DDX10: variants seen among roughly 807,000 people sequenced by gnomAD.
DDX10 encodes probable ATP-dependent RNA helicase DDX10.
Under a neutral mutation model 104.3 loss-of-function variants are expected in DDX10, and 74 were observed. The ratio of observed to expected loss-of-function variants is 0.71; its 90% CI spans 0.59 to 0.86. The LOEUF (loss-of-function observed/expected upper bound fraction) is 0.86, where lower values mean the gene tolerates loss of function less well. Ranked by LOEUF, DDX10 falls within the 40% of genes least tolerant of loss-of-function variation. The probability of loss-of-function intolerance (pLI) is 0.00; values close to 1 mark genes in which losing one functional copy is unlikely to be tolerated. For missense variants in DDX10, 952 were observed against 1,040.0 expected, an observed-to-expected ratio of 0.92 and a Z score of 1.16; for synonymous variants, 351 against 353.4, an observed-to-expected ratio of 0.99 and a Z score of 0.08.
intron 13 of DDX10, among the ~76,000 whole-genome samples, chr11:108,734,179 G>A (rs114975963): frequency 0.016 from 2,361 of 152,102 alleles, 58 homozygotes; most frequent in African/African-American, 0.054. Context: ...GGTGATTTGT[G>A]TTCAGGGGCC....
chr11:108,771,233 C>T (rs555046991), intron 13 of DDX10, among the ~76,000 whole-genome samples: 5 of 151,972 alleles, frequency 3.3e-5, no homozygotes, highest in Non-Finnish European at 7.4e-5. Flanking sequence ...CTTTCAGCTC[C>T]GTCTATATTC....
At chr11:108,822,999 G>A (rs1862347125) in intron 13 of DDX10, among the ~76,000 whole-genome samples, 1 of 152,190 alleles carries the variant, frequency 6.6e-6, no homozygotes. Flanking sequence ...CCCTGACTTT[G>A]CTGATACTGT....
chr11:108,907,042 G>A (rs1220533107), intron 16 of DDX10, among the ~76,000 whole-genome samples: 5 of 152,116 alleles, frequency 3.3e-5, no homozygotes, highest in Admixed American at 6.5e-5. Flanking sequence ...AGATCCTTCC[G>A]GTTTTGGAAT....
intron 13 of DDX10, among the ~76,000 whole-genome samples, chr11:108,777,565 C>T (rs150151446): frequency 0.02 from 3,035 of 152,208 alleles, 112 homozygotes; most frequent in African/African-American, 0.069. Context: ...TCAGGTGATC[C>T]ACCCACTTCA....
chr11:108,872,894 C>A (rs184321384), intron 16 of DDX10, among the ~76,000 whole-genome samples: 89 of 150,770 alleles, frequency 5.9e-4, no homozygotes, highest in African/African-American at 2.1e-3. Flanking sequence ...CCCACTCCTC[C>A]CACCTCTTCT....
At chr11:108,805,962 T>C (rs1300097478) in intron 13 of DDX10, among the ~76,000 whole-genome samples, 2 of 152,052 alleles carry the variant, frequency 1.3e-5, no homozygotes, top group East Asian at 3.9e-4. Flanking sequence ...TAAAATTTAT[T>C]TTATTTTATT....
chr11:108,704,658 A>G lies in DDX10; in HGVS notation c.1224-2081A>G, dbSNP rs536043495. ...CATACTGCTTAGGGGTCTGCTTTAA[A>G]TTCATAATTTTGTTAGTGAACGAAG... On this transcript the variant is annotated intron_variant, in intron 9 of 17. Transcript: ENST00000322536. Among the ~76,000 whole-genome samples, 5 of 152,322 alleles carry G rather than the reference A, an allele frequency of 3.3e-5. No individual in the cohort carries two copies. In the South Asian group the frequency reaches 1.0e-3, roughly 32 times the overall value.
intron 16 of DDX10, among the ~76,000 whole-genome samples, chr11:108,894,673 C>T (rs114050879): frequency 0.01 from 1,558 of 151,962 alleles, 23 homozygotes; most frequent in African/African-American, 0.035. Flanking sequence ...AAATGCAAAA[C>T]GTTAAAAATG....
At chr11:108,707,161 G>T (rs2094277289) in intron 10 of DDX10, among the ~76,000 whole-genome samples, 1 of 152,056 alleles carries the variant, frequency 6.6e-6, no homozygotes, top group Non-Finnish European at 1.5e-5. Flanking sequence ...ATTCTTGGTG[G>T]TGTCCATTCT....
intron 16 of DDX10, among the ~76,000 whole-genome samples, chr11:108,917,050 A>G (rs1036285533): frequency 2.6e-5 from 4 of 151,718 alleles, no homozygotes; most frequent in Non-Finnish European, 5.9e-5. Context: ...ATAAGCTTGT[A>G]CAGATCTGAT....
chr11:108,685,613 A>G (rs2094242822), intron 6 of DDX10, among the ~76,000 whole-genome samples: 1 of 152,100 alleles, frequency 6.6e-6, no homozygotes, highest in Non-Finnish European at 1.5e-5. Context: ...TATAAAGACC[A>G]TAGTCTAAGT....
chr11:108,726,773 A>G (rs1192376082), intron 13 of DDX10, among the ~76,000 whole-genome samples: 2 of 152,056 alleles, frequency 1.3e-5, no homozygotes, highest in South Asian at 2.1e-4. Flanking sequence ...GATCTTACTG[A>G]GGGGGAAGCA....
chr11:108,818,304 T>C (rs1862282160), intron 13 of DDX10, among the ~76,000 whole-genome samples: 1 of 152,218 alleles, frequency 6.6e-6, no homozygotes, highest in African/African-American at 2.4e-5. Flanking sequence ...AACTGTATAG[T>C]GTGCTTTTGT....
At chr11:108,691,756 T>A in intron 7 of DDX10, 120 bp from the exon 8 acceptor site, 3 of 695,292 alleles carry the variant, frequency 4.3e-6, no homozygotes, top group Non-Finnish European at 6.6e-6. Flanking sequence ...TTTTTTTACT[T>A]GGTTGGAATT....
chr11:108,904,142 T>C (rs1270413815), intron 16 of DDX10, among the ~76,000 whole-genome samples: 1 of 152,186 alleles, frequency 6.6e-6, no homozygotes, highest in Non-Finnish European at 1.5e-5. Context: ...ATGGACATTT[T>C]ATTTAAAACC....
intron 13 of DDX10, among the ~76,000 whole-genome samples, chr11:108,762,871 G>T (rs1278428471): frequency 3.3e-5 from 5 of 152,102 alleles, no homozygotes; most frequent in African/African-American, 7.2e-5. Flanking sequence ...CAATAATATT[G>T]TTTTAAGCAT....
intron 13 of DDX10, among the ~76,000 whole-genome samples, chr11:108,725,272 CAT>C (rs1298780538): frequency 3.9e-5 from 6 of 152,164 alleles, no homozygotes; most frequent in African/African-American, 1.2e-4. Flanking sequence ...TCATTATAAA[CAT>C]ATACATTTTT....
intron 6 of DDX10, among the ~76,000 whole-genome samples, chr11:108,688,083 G>A (rs2094247183): frequency 2.6e-5 from 4 of 152,110 alleles, no homozygotes; most frequent in Non-Finnish European, 5.9e-5. Context: ...AATAATTAAT[G>A]TATGTGGCTG....
At chr11:108,803,305 T>A (rs2134560157) in intron 13 of DDX10, among the ~76,000 whole-genome samples, 1 of 151,822 alleles carries the variant, frequency 6.6e-6, no homozygotes, top group East Asian at 1.9e-4. Context: ...AGAATCTTTG[T>A]TTTTCAGGCC....
Sources: gnomAD v4.1 joint callset for allele counts (sites outside exome capture counted in the v4.1 genomes callset) on GRCh38, gnomAD v4.1.1 for gene constraint, MANE v1.5 for transcripts, NCBI Gene and HGNC (gene_info 2026-07-23, HGNC 2026-07-21) for gene names.